PTPRT: variants seen among roughly 807,000 people sequenced by gnomAD.
PTPRT encodes receptor-type tyrosine-protein phosphatase T.
Under a neutral mutation model 176.8 loss-of-function variants are expected in PTPRT, and 56 were observed. That is an observed-to-expected ratio of 0.32 (90% CI 0.26 to 0.40). The LOEUF (loss-of-function observed/expected upper bound fraction) is 0.40, where lower values mean the gene tolerates loss of function less well. Ranked by LOEUF, PTPRT falls within the 10% of genes least tolerant of loss-of-function variation. The pLI is 1.00. For missense variants in PTPRT, 1,540 were observed against 1,908.2 expected (o/e 0.81, Z 3.60); for synonymous variants, 783 against 739.0 (o/e 1.06, Z -0.96).
chr20:43,086,261 C>A (rs1273017152), intron 1 of PTPRT, among the ~76,000 whole-genome samples: 2 of 152,196 alleles, frequency 1.3e-5, no homozygotes, highest in African/African-American at 2.4e-5. Flanking sequence ...TAGAATGAGG[C>A]AAGGGCGCCC....
chr20:43,091,682 G>T (rs982492433), intron 1 of PTPRT, among the ~76,000 whole-genome samples: 1 of 151,956 alleles, frequency 6.6e-6, no homozygotes, highest in Non-Finnish European at 1.5e-5. Flanking sequence ...AAAATGAAAA[G>T]GAATACAAGA....
chr20:42,468,831 G>T (rs770088216), intron 8 of PTPRT, among the ~76,000 whole-genome samples: 1 of 152,150 alleles, frequency 6.6e-6, no homozygotes, highest in Non-Finnish European at 1.5e-5. Context: ...TTTCAGCAGT[G>T]ACTTCTCCCT....
At chr20:42,103,839 C>T (rs1303650285) in intron 25 of PTPRT, among the ~76,000 whole-genome samples, 1 of 152,196 alleles carries the variant, frequency 6.6e-6, no homozygotes, top group Non-Finnish European at 1.5e-5. Context: ...AGTTAAAAAA[C>T]ATATTCACAG....
chr20:42,203,894 C>T (rs2055385269), intron 15 of PTPRT, among the ~76,000 whole-genome samples: 2 of 152,174 alleles, frequency 1.3e-5, no homozygotes, highest in South Asian at 4.1e-4. Flanking sequence ...AGTCAAATTG[C>T]AGTGATTCAA....
At position 42,075,341 on chromosome 20, in the gene PTPRT, T is replaced by C. The variant is rs1398738990; in HGVS notation, c.*5538A>G. 2.2e-5 allele frequency: 5 copies of C among 229,672 alleles called. No individual in the cohort carries two copies. Among genetic ancestry groups the C allele is most frequent in the African/African-American group, 8.9e-5 (4 of 45,150 alleles). 14.2% of individuals were successfully genotyped at this position (229,672 alleles called of 1,614,324 possible). On this transcript the variant is annotated 3_prime_UTR_variant, in exon 31 of 31. Transcript: ENST00000373187. ...CGTTTATGTTTTTTTTCTTCTAACC[T>C]ACCCTCCAGTTGGGTTGACCATTTT...
At chr20:42,966,088 G>C (rs1982277957) in intron 1 of PTPRT, among the ~76,000 whole-genome samples, 1 of 152,202 alleles carries the variant, frequency 6.6e-6, no homozygotes, top group African/African-American at 2.4e-5. Context: ...ATAGCCAAGA[G>C]GAGTTGGGGG....
Position 42,119,958 on chromosome 20 carries a change from G to A in PTPRT, c.2861C>T (p.Pro954Leu), listed in dbSNP as rs1295515790. Residue 954 changes from proline to leucine, a missense_variant, in exon 20 of 31, where the codon CCT becomes CTT. Pro to Leu is a moderately conservative substitution (Grantham distance 98, BLOSUM62 -3). Coordinates refer to ENST00000373187, the MANE Select transcript of PTPRT (RefSeq NM_007050.6). ...ACCTTGAGTCGCAATGTAGTGCCGA[G>A]GTCGATGGTATCCCTGGATAACAGG... ...NANYIDGYHR[P>L]RHYIATQGPM... The A allele has an allele frequency of 6.2e-7, 1 of 1,608,664 alleles. No homozygotes were observed. Among genetic ancestry groups the A allele is most frequent in the South Asian group, 1.1e-5 (1 of 90,310 alleles).
At chr20:42,666,765 T>G (rs888238567) in intron 7 of PTPRT, among the ~76,000 whole-genome samples, 6 of 152,244 alleles carry the variant, frequency 3.9e-5, no homozygotes, top group African/African-American at 7.2e-5. Flanking sequence ...CTTAAGTGTT[T>G]ATACTGTAAT....
chr20:42,447,848 T>G (rs911524707), intron 9 of PTPRT, among the ~76,000 whole-genome samples: 1 of 152,182 alleles, frequency 6.6e-6, no homozygotes, highest in Non-Finnish European at 1.5e-5. Context: ...GAGACTGATA[T>G]TCGTAAAGTG....
chr20:42,167,648 G>C (rs946522397), intron 16 of PTPRT, among the ~76,000 whole-genome samples: 1 of 152,200 alleles, frequency 6.6e-6, no homozygotes, highest in Admixed American at 6.5e-5. Context: ...TCTGGAAGAG[G>C]AGAGAAGTTT....
chr20:42,237,938 A>T (rs1034093171), intron 14 of PTPRT, among the ~76,000 whole-genome samples: 1 of 152,182 alleles, frequency 6.6e-6, no homozygotes, highest in Non-Finnish European at 1.5e-5. Context: ...TTGGTACAGG[A>T]AAATACAGTC....
chr20:42,724,313 G>A (rs1015712937), intron 6 of PTPRT, among the ~76,000 whole-genome samples: 1 of 152,190 alleles, frequency 6.6e-6, no homozygotes, highest in Non-Finnish European at 1.5e-5. Context: ...TTCAGTCTCT[G>A]TCCTCCCTCA....
chr20:42,797,771 G>T (rs779138191), intron 2 of PTPRT, among the ~76,000 whole-genome samples: 11 of 152,172 alleles, frequency 7.2e-5, no homozygotes, highest in Admixed American at 1.3e-4. Context: ...GGTAGACAAG[G>T]GGGCCAGGAG....
At chr20:43,157,154 C>G (rs1600756739) in intron 1 of PTPRT, among the ~76,000 whole-genome samples, 1 of 151,252 alleles carries the variant, frequency 6.6e-6, no homozygotes. Context: ...GAGTTTGAGA[C>G]CAGGCTGGGC....
chr20:42,111,835 G>GAT (rs1384798282), intron 22 of PTPRT, among the ~76,000 whole-genome samples: 3 of 152,146 alleles, frequency 2.0e-5, no homozygotes, highest in African/African-American at 7.2e-5. Context: ...CTAATATAGT[G>GAT]ATGTGTGAGT....
At chr20:43,134,256 T>C (rs1425893219) in intron 1 of PTPRT, among the ~76,000 whole-genome samples, 1 of 152,236 alleles carries the variant, frequency 6.6e-6, no homozygotes, top group Non-Finnish European at 1.5e-5. Context: ...CTGACAAAGA[T>C]TCTTTGCTTG....
the PTPRT span, among the ~76,000 whole-genome samples, chr20:42,046,057 G>A: frequency 6.6e-6 from 1 of 152,194 alleles, no homozygotes; most frequent in Non-Finnish European, 1.5e-5. Flanking sequence ...TGGAGGTGAG[G>A]AAGTGGGCAA....
intron 2 of PTPRT, among the ~76,000 whole-genome samples, chr20:42,869,968 A>G (rs1362229411): frequency 6.6e-6 from 1 of 152,206 alleles, no homozygotes; most frequent in East Asian, 1.9e-4. Context: ...GTGACAGCAT[A>G]GCATTCAAGC....
chr20:42,795,863 T>C (rs1385855736), intron 2 of PTPRT, among the ~76,000 whole-genome samples: 1 of 152,228 alleles, frequency 6.6e-6, no homozygotes, highest in Non-Finnish European at 1.5e-5. Flanking sequence ...TTGTTTGTTT[T>C]CAGTGAATAT....
Sources: allele counts gnomAD v4.1 joint callset (sites outside exome capture counted in the v4.1 genomes callset), GRCh38; gene constraint gnomAD v4.1.1; transcripts MANE v1.5; gene names NCBI Gene and HGNC (gene_info 2026-07-23, HGNC 2026-07-21).